Variants in CCNH observed in about 807,000 individuals in gnomAD.
The protein encoded by CCNH is cyclin-H.
A neutral mutation model predicts 41.9 loss-of-function variants in CCNH; 31 were observed. That is an observed-to-expected ratio of 0.74 (90% CI 0.56 to 1.00). The LOEUF (loss-of-function observed/expected upper bound fraction) is 1.00. CCNH is among the 50% of genes least tolerant of loss of function. The probability of loss-of-function intolerance (pLI) is 0.00; values close to 1 mark genes in which losing one functional copy is unlikely to be tolerated. For missense variants in CCNH, 362 were observed against 388.4 expected (o/e 0.93, Z 0.57); for synonymous variants, 138 against 136.1 (o/e 1.01, Z -0.10).
chr5:87,388,129 T>C (rs1156574098), downstream of CCNH, among the ~76,000 whole-genome samples: 1 of 152,210 alleles, frequency 6.6e-6, no homozygotes, highest in African/African-American at 2.4e-5. Context: ...TATATAATTC[T>C]GTGTTGCTAT....
intron 9 of CCNH, among the ~76,000 whole-genome samples, chr5:87,365,299 T>A (rs567769425): frequency 3.3e-5 from 5 of 152,300 alleles, no homozygotes; most frequent in Non-Finnish European, 7.4e-5. Context: ...CTGTATAAAC[T>A]GTTCTAATTC....
chr5:87,348,321 T>G (rs1016909993), intron 9 of CCNH, among the ~76,000 whole-genome samples: 9 of 152,058 alleles, frequency 5.9e-5, no homozygotes, highest in Non-Finnish European at 1.2e-4. Flanking sequence ...TCTAATAATC[T>G]AAGCATTCAT....
At chr5:87,384,071 G>A (rs1317475962) in intron 9 of CCNH, among the ~76,000 whole-genome samples, 1 of 151,694 alleles carries the variant, frequency 6.6e-6, no homozygotes. Flanking sequence ...GTGACTTCTT[G>A]TAGTCTGCAG....
intron 9 of CCNH, among the ~76,000 whole-genome samples, chr5:87,356,739 C>A (rs1759680970): frequency 6.6e-6 from 1 of 152,120 alleles, no homozygotes; most frequent in African/African-American, 2.4e-5. Context: ...AATGCTATTA[C>A]ACACTTAGTA....
downstream of CCNH, chr5:87,374,907 C>G (rs764599057): frequency 1.9e-6 from 3 of 1,605,822 alleles, no homozygotes; most frequent in South Asian, 2.2e-5. Flanking sequence ...AAGCAAAGAT[C>G]CTGATATCTG....
exon 1 of CCNH, chr5:87,376,787 T>C: frequency 1.5e-6 from 2 of 1,342,268 alleles, no homozygotes; most frequent in East Asian, 2.3e-5. Context: ...ATTTTAAATA[T>C]AAGAACTTGT....
At chr5:87,405,485 C>G (rs943702782) in intron 4 of CCNH, among the ~76,000 whole-genome samples, 1 of 152,180 alleles carries the variant, frequency 6.6e-6, no homozygotes, top group African/African-American at 2.4e-5. Context: ...TATTTCCTGA[C>G]AGTTCTTCAT....
chr5:87,387,974 T>C (rs1005132752), downstream of CCNH, among the ~76,000 whole-genome samples: 6 of 152,198 alleles, frequency 3.9e-5, no homozygotes, highest in Non-Finnish European at 7.4e-5. Context: ...TACTACCATA[T>C]TTCTTCACCA....
intron 2 of CCNH, among the ~76,000 whole-genome samples, chr5:87,409,825 T>C (rs558145280): frequency 1.2e-4 from 19 of 152,328 alleles, no homozygotes; most frequent in African/African-American, 4.6e-4. Context: ...GATATAACCA[T>C]GTATCCATTC....
At chr5:87,377,769 C>G (rs192593865), upstream of CCNH, among the ~76,000 whole-genome samples, 14 of 152,262 alleles carry the variant, frequency 9.2e-5, no homozygotes, top group East Asian at 2.5e-3. Flanking sequence ...CCACACACAC[C>G]ACCAAGCACT....
upstream of CCNH, among the ~76,000 whole-genome samples, chr5:87,377,834 G>A (rs1342443162): frequency 6.6e-6 from 1 of 152,006 alleles, no homozygotes; most frequent in Non-Finnish European, 1.5e-5. Context: ...GTAAAGTTTA[G>A]AACTATTTTC....
At chr5:87,350,747 T>C (rs113820016) in intron 9 of CCNH, among the ~76,000 whole-genome samples, 1 of 151,746 alleles carries the variant, frequency 6.6e-6, no homozygotes, top group Non-Finnish European at 1.5e-5. Context: ...TGTATGTTAA[T>C]TTAGTGGCCT....
chr5:87,324,505 G>A (rs1757070789), intron 9 of CCNH, among the ~76,000 whole-genome samples: 1 of 152,150 alleles, frequency 6.6e-6, no homozygotes, highest in Admixed American at 6.6e-5. Context: ...CAGAGTGTAT[G>A]ATAGTGCTGT....
intron 9 of CCNH, among the ~76,000 whole-genome samples, chr5:87,370,087 A>C (rs1254150986): frequency 1.3e-5 from 2 of 152,206 alleles, no homozygotes; most frequent in African/African-American, 4.8e-5. Context: ...AAACAAACAC[A>C]GTGAAGGGTT....
chr5:87,386,576 T>C (rs1017343357), downstream of CCNH, among the ~76,000 whole-genome samples: 4 of 152,048 alleles, frequency 2.6e-5, no homozygotes, highest in African/African-American at 4.8e-5. Flanking sequence ...TACTCCTCAG[T>C]ATAGCCATTT....
downstream of CCNH, among the ~76,000 whole-genome samples, chr5:87,388,551 A>C (rs990245428): frequency 2.0e-5 from 3 of 152,154 alleles, no homozygotes; most frequent in African/African-American, 4.8e-5. Context: ...CAAAATCCGA[A>C]ACACTTCTGG....
In CCNH at chr5:87,383,802, T is replaced by C. The variant is rs756890657; in HGVS notation, c.*90+8968A>G. 1.0e-5 allele frequency: 16 copies of C among 1,586,720 alleles called. No individual in the cohort carries two copies. In the South Asian group the frequency reaches 1.8e-4, roughly 18 times the overall value. On this transcript the variant is annotated intron_variant and NMD_transcript_variant, in intron 9 of 9. Transcript: ENST00000645953. ...TCAGGTAATCAGCTTTTGATACATT[T>C]TGAAATTCAAAATATTAGAATTAAC...
At chr5:87,361,523 A>G (rs541209887) in intron 9 of CCNH, among the ~76,000 whole-genome samples, 10 of 152,330 alleles carry the variant, frequency 6.6e-5, no homozygotes, top group African/African-American at 2.4e-4. Context: ...GCAAAATAGT[A>G]AGAACTACTC....
Position 87,331,236 on chromosome 5 carries a change from T to A in CCNH, c.*91-12339A>T, listed in dbSNP as rs763102542. ...TAACTGGTTCAGAGTAAAATGTAAA[T>A]GTTTAAGTTACATGTAGGCATTTAA... On this transcript the variant is annotated intron_variant and NMD_transcript_variant, in intron 9 of 9. Coordinates refer to the CCNH transcript ENST00000645953. The A allele has an allele frequency of 6.8e-6, 8 of 1,171,154 alleles. No individual in the cohort carries two copies. In the Admixed American group the frequency reaches 1.4e-4, roughly 20 times the overall value. 72.5% of individuals were successfully genotyped at this position (1,171,154 alleles called of 1,614,324 possible).
Sources: allele counts gnomAD v4.1 joint callset (sites outside exome capture counted in the v4.1 genomes callset), GRCh38; gene constraint gnomAD v4.1.1; transcripts MANE v1.5; gene names NCBI Gene and HGNC (gene_info 2026-07-23, HGNC 2026-07-21).